SUCLA2: variants seen among roughly 807,000 people sequenced by gnomAD.
The protein encoded by SUCLA2 is succinate--CoA ligase [ADP-forming] subunit beta, mitochondrial.
In SUCLA2, 30 loss-of-function variants were observed where a neutral mutation model predicts 54.8. The ratio of observed to expected loss-of-function variants is 0.55; its 90% CI spans 0.41 to 0.74. The LOEUF is 0.74. SUCLA2 is among the 30% of genes least tolerant of loss of function. The pLI, the probability that SUCLA2 is intolerant of heterozygous loss-of-function variation, is 0.00. For missense variants in SUCLA2, 476 were observed against 562.9 expected (o/e 0.85, Z 1.56); for synonymous variants, 172 against 188.9 (o/e 0.91, Z 0.74).
At chr13:47,978,087 C>T (rs1950031792) in intron 4 of SUCLA2, among the ~76,000 whole-genome samples, 1 of 152,130 alleles carries the variant, frequency 6.6e-6, no homozygotes, top group Non-Finnish European at 1.5e-5. Context: ...AATGGCCATA[C>T]TGCCCAAAAT....
chr13:47,985,632 T>G (rs1191816240), intron 4 of SUCLA2, among the ~76,000 whole-genome samples: 1 of 152,254 alleles, frequency 6.6e-6, no homozygotes, highest in South Asian at 2.1e-4. Context: ...TTATCCAGTC[T>G]ATCATCGGTG....
In SUCLA2 at chr13:47,951,327, C is replaced by CA. The variant is rs1409440669; in HGVS notation, c.1108-1725dup. The stretch of plus-strand genomic sequence containing the variant: ...TAGTCCGCCACCCCGCCCCCGCTCC[C>CA]AAGAAAAAGCCTCTAGTCCCTCAAT... On this transcript the variant is annotated intron_variant, in intron 8 of 10. Transcript: ENST00000646932. 8.1e-5 allele frequency among the ~76,000 whole-genome samples: 12 copies of CA among 147,700 alleles called. 1 individual carries two copies. Among genetic ancestry groups the CA allele is most frequent in the Non-Finnish European group, 1.6e-4 (11 of 66,872 alleles).
intron 6 of SUCLA2, among the ~76,000 whole-genome samples, chr13:47,965,350 A>C (rs1225712337): frequency 6.6e-6 from 1 of 152,120 alleles, no homozygotes; most frequent in African/African-American, 2.4e-5. Flanking sequence ...CAAGTGAGCC[A>C]AGTTAACATT....
chr13:47,989,899 G>T (rs80148443), intron 2 of SUCLA2, among the ~76,000 whole-genome samples: 4,314 of 152,228 alleles, frequency 0.028, 96 homozygotes, highest in South Asian at 0.082. Flanking sequence ...TTCTATGCTT[G>T]CAAAGCTTAT....
In SUCLA2 at chr13:47,975,665, G is replaced by T. The variant is rs1388770264; in HGVS notation, c.535-2273C>A. Among the ~76,000 whole-genome samples the T allele has an allele frequency of 2.0e-5, 3 of 152,300 alleles. No individual in the cohort carries two copies. In the East Asian group the frequency reaches 5.8e-4, roughly 29 times the overall value. The stretch of plus-strand genomic sequence containing the variant: ...TAGGAAAAAAATGATTTTGTACCAT[G>T]TATTCGATTTCTGTATACATTTGTA... On this transcript the variant is annotated intron_variant, in intron 4 of 10. Transcript: ENST00000646932.
At chr13:47,963,543 G>A (rs553009994) in intron 6 of SUCLA2, among the ~76,000 whole-genome samples, 2 of 152,236 alleles carry the variant, frequency 1.3e-5, no homozygotes, top group South Asian at 4.1e-4. Context: ...TACTCGGGGG[G>A]CCGAGACAGG....
intron 4 of SUCLA2, among the ~76,000 whole-genome samples, chr13:47,986,134 C>T (rs1178403447): frequency 6.6e-6 from 1 of 151,346 alleles, no homozygotes; most frequent in African/African-American, 2.4e-5. Flanking sequence ...AGATTCAAGC[C>T]ATTCTCCTGC....
At chr13:47,949,357 A>T in intron 9 of SUCLA2, 126 bp downstream of exon 9, 2 of 1,170,696 alleles carry the variant, frequency 1.7e-6, no homozygotes, top group Admixed American at 3.9e-5. Flanking sequence ...TATAGTTTTA[A>T]TTTCATATTG....
At chr13:47,961,585 T>C (rs1170509012) in intron 6 of SUCLA2, among the ~76,000 whole-genome samples, 2 of 152,184 alleles carry the variant, frequency 1.3e-5, no homozygotes, top group Admixed American at 1.3e-4. Flanking sequence ...TTATTAGGCT[T>C]GTTATGTTAG....
intron 1 of SUCLA2, among the ~76,000 whole-genome samples, chr13:48,000,504 C>T (rs1444178293): frequency 6.6e-6 from 1 of 152,242 alleles, no homozygotes; most frequent in Non-Finnish European, 1.5e-5. Context: ...ACGTAAAGCG[C>T]TTAGCACATT....
chr13:47,996,339 A>G (rs1344507713), intron 2 of SUCLA2, among the ~76,000 whole-genome samples: 1 of 150,684 alleles, frequency 6.6e-6, no homozygotes, highest in Non-Finnish European at 1.5e-5. Context: ...AAAAAAAAAA[A>G]GAAAAGAAAA....
At chr13:47,974,447 C>A (rs757257049) in intron 4 of SUCLA2, among the ~76,000 whole-genome samples, 1 of 152,058 alleles carries the variant, frequency 6.6e-6, no homozygotes, top group Non-Finnish European at 1.5e-5. Context: ...ATTAGCCAGG[C>A]ATGGTGGCAT....
intron 4 of SUCLA2, among the ~76,000 whole-genome samples, chr13:47,985,032 T>C (rs565118919): frequency 5.0e-4 from 76 of 152,172 alleles, no homozygotes; most frequent in Non-Finnish European, 1.1e-3. Context: ...AAATCTAATT[T>C]AACAAAGGTA....
chr13:47,989,526 G>A (rs902663438), intron 2 of SUCLA2, among the ~76,000 whole-genome samples: 1 of 148,290 alleles, frequency 6.7e-6, no homozygotes, highest in Non-Finnish European at 1.5e-5. Flanking sequence ...ATGAGCCACC[G>A]CACCTGGCCA....
At position 47,996,836 on chromosome 13, in the gene SUCLA2, T is replaced by A; in HGVS notation, c.271+7A>T. ...CAAGGTGGCAAAAGCTTTTCTTAAT[T>A]TAGTACCTAATTTTTTGGCAATTGC... On this transcript the variant is annotated splice_region_variant and intron_variant, in intron 2 of 10. Transcript: ENST00000646932. 12 of 1,612,692 alleles carry A rather than the reference T, an allele frequency of 7.4e-6. No individual in the cohort carries two copies. The highest frequency in any genetic ancestry group is 1.0e-5 in the Non-Finnish European group (12 of 1,179,796).
chr13:47,973,250 G>T lies in SUCLA2; in HGVS notation c.663+14C>A. 6.2e-7 allele frequency: 1 copy of T among 1,609,698 alleles called. No homozygotes were observed. The highest frequency in any genetic ancestry group is 1.1e-5 in the South Asian group (1 of 90,948). On this transcript the variant is annotated intron_variant, in intron 5 of 10. Coordinates refer to ENST00000646932, the MANE Select transcript of SUCLA2 (RefSeq NM_003850.3). The stretch of plus-strand genomic sequence containing the variant: ...CTAATCATAAGCTAGAAATTTTTCA[G>T]GAATACAACATACCTGGAGAGCTTG...
intron 4 of SUCLA2, among the ~76,000 whole-genome samples, chr13:47,977,376 T>G (rs1296314223): frequency 1.3e-5 from 2 of 152,140 alleles, no homozygotes; most frequent in African/African-American, 4.8e-5. Flanking sequence ...AACCAATCTT[T>G]CCCAAGCTCT....
At chr13:47,976,999 C>G (rs1200830479) in intron 4 of SUCLA2, among the ~76,000 whole-genome samples, 2 of 134,414 alleles carry the variant, frequency 1.5e-5, no homozygotes. Flanking sequence ...AAACAAGGAA[C>G]AGAAAAAAAA....
At chr13:47,965,712 A>G (rs1165236356) in intron 6 of SUCLA2, 4 of 397,884 alleles carry the variant, frequency 1.0e-5, no homozygotes, top group Non-Finnish European at 1.8e-5. Flanking sequence ...TGAATTAGAT[A>G]ATATTTTCTC....
Sources: gnomAD v4.1 joint callset for allele counts (sites outside exome capture counted in the v4.1 genomes callset) on GRCh38, gnomAD v4.1.1 for gene constraint, MANE v1.5 for transcripts, NCBI Gene and HGNC (gene_info 2026-07-23, HGNC 2026-07-21) for gene names.